SEC31B: variants seen among roughly 807,000 people sequenced by gnomAD.
SEC31B encodes the protein protein transport protein Sec31B.
SEC31B carries 113 observed loss-of-function variants against 135.0 expected under a neutral mutation model. That is an observed-to-expected ratio of 0.84 (90% CI 0.72 to 0.98). SEC31B has a LOEUF of 0.98. Among genes scored for constraint, SEC31B ranks in the 50% least tolerant of loss-of-function variants. The pLI, the probability that SEC31B is intolerant of heterozygous loss-of-function variation, is 0.00. For synonymous variants in SEC31B, 508 were observed against 549.4 expected (o/e 0.92, Z 1.05); for missense variants, 1,296 against 1,421.1 (o/e 0.91, Z 1.42).
chr10:100,502,586 T>C, intron 10 of SEC31B, 102 bp from the exon 11 acceptor site: 1 of 709,824 alleles, frequency 1.4e-6, no homozygotes. Context: ...GACCCTAGGC[T>C]AGGAAATAAA....
intron 10 of SEC31B, among the ~76,000 whole-genome samples, chr10:100,504,877 T>C (rs189075745): frequency 1.0e-3 from 155 of 152,106 alleles, no homozygotes; most frequent in African/African-American, 3.5e-3. Flanking sequence ...AAAGAAGTCA[T>C]ATGTAACTGG....
At chr10:100,507,669 G>C (rs1291027108) in intron 6 of SEC31B, 102 bp from the exon 7 acceptor site, 2 of 1,491,086 alleles carry the variant, frequency 1.3e-6, no homozygotes, top group Admixed American at 1.7e-5. Flanking sequence ...TTTGTGACTG[G>C]GAACACCACA....
chr10:100,488,174 AT>A, intron 24 of SEC31B, 76 bp from the exon 25 acceptor site: 3 of 1,366,268 alleles, frequency 2.2e-6, no homozygotes, highest in Middle Eastern at 1.8e-4. Context: ...ATCACAGCAT[AT>A]TAGGCCGGGC....
intron 9 of SEC31B, 137 bp from the exon 10 acceptor site, chr10:100,505,632 G>A: frequency 6.9e-7 from 1 of 1,442,926 alleles, no homozygotes; most frequent in East Asian, 2.5e-5. Context: ...TATTCCAGGG[G>A]ATGGGGAAGT....
In SEC31B at chr10:100,499,266, G is replaced by A. The variant is rs1200953056; in HGVS notation, c.1486-8C>T. On this transcript the variant is annotated splice_polypyrimidine_tract_variant and splice_region_variant and intron_variant, in intron 12 of 25. Coordinates refer to ENST00000370345, the MANE Select transcript of SEC31B (RefSeq NM_015490.4). ...CTTCAACCATGTGGCCACCTGCAGG[G>A]AGAGACCTCTGAAAACCGCTCTTTC... 1.9e-6 allele frequency: 3 copies of A among 1,606,296 alleles called. No homozygotes were observed. Among genetic ancestry groups the A allele is most frequent in the Admixed American group, 1.7e-5 (1 of 59,182 alleles).
chr10:100,487,360 TA>T lies in SEC31B; in HGVS notation c.*255del. ...CCCAGGTCCTTACAGAGTGTAGTAT[TA>T]GGGAGAGTGAAGAACTGATTCTATG... On this transcript the variant is annotated 3_prime_UTR_variant, in exon 26 of 26. Coordinates refer to ENST00000370345, the MANE Select transcript of SEC31B (RefSeq NM_015490.4). 1 of 504,022 alleles carries T rather than the reference TA, an allele frequency of 2.0e-6. No individual in the cohort carries two copies. Among genetic ancestry groups the T allele is most frequent in the Non-Finnish European group, 3.6e-6 (1 of 278,770 alleles). 31.2% of individuals were successfully genotyped at this position (504,022 alleles called of 1,614,324 possible).
intron 3 of SEC31B, among the ~76,000 whole-genome samples, chr10:100,513,922 C>T (rs992795299): frequency 6.6e-6 from 1 of 151,948 alleles, no homozygotes; most frequent in Non-Finnish European, 1.5e-5. Context: ...CAGTAGCTCA[C>T]GCCTATAATC....
intron 24 of SEC31B, 72 bp from the exon 25 acceptor site, chr10:100,488,170 G>T: frequency 7.2e-7 from 1 of 1,392,544 alleles, no homozygotes; most frequent in Non-Finnish European, 1.0e-6. Context: ...AAGAATCACA[G>T]CATATTAGGC....
At chr10:100,497,532 A>T (rs145747657) in intron 16 of SEC31B, 135 bp downstream of exon 16, 2 of 1,544,002 alleles carry the variant, frequency 1.3e-6, no homozygotes, top group Admixed American at 3.8e-5. Flanking sequence ...CTCCTGGCTG[A>T]GCCAGATTCT....
chr10:100,512,735 GA>G (rs1238299281), intron 3 of SEC31B, among the ~76,000 whole-genome samples: 3 of 152,174 alleles, frequency 2.0e-5, no homozygotes, highest in Non-Finnish European at 4.4e-5. Flanking sequence ...AGAGATATAG[GA>G]AGAGGTTTAA....
chr10:100,489,077 T>G, intron 23 of SEC31B, 103 bp from the exon 24 acceptor site: 1 of 1,502,876 alleles, frequency 6.7e-7, no homozygotes, highest in Non-Finnish European at 8.9e-7. Flanking sequence ...ACTGTTCCCA[T>G]TACAGCAGAG....
chr10:100,505,348 C>T lies in SEC31B; in HGVS notation c.1179+13G>A, dbSNP rs959938339. ...CACAAACACACACACACCTATACATCCACTACACTTACAGCAAATGAAACA... is the reference window on the plus strand; with the variant it reads ...CACAAACACACACACACCTATACATTCACTACACTTACAGCAAATGAAACA... On this transcript the variant is annotated intron_variant, in intron 10 of 25. Transcript: ENST00000370345. 2 of 1,612,792 alleles carry T rather than the reference C, an allele frequency of 1.2e-6. No homozygotes were observed.
intron 5 of SEC31B, chr10:100,508,464 AT>A (rs1452549085): frequency 2.1e-6 from 1 of 468,242 alleles, no homozygotes; most frequent in Non-Finnish European, 4.2e-6. Flanking sequence ...AACTTACCTC[AT>A]GATACTGTAA....
intron 3 of SEC31B, among the ~76,000 whole-genome samples, chr10:100,515,444 A>G (rs546804699): frequency 1.4e-4 from 22 of 152,340 alleles, no homozygotes; most frequent in Admixed American, 5.9e-4. Context: ...GACCTTTAGA[A>G]GAAGGGCAGA....
chr10:100,490,424 T>A, intron 20 of SEC31B, 102 bp from the exon 21 acceptor site: 2 of 1,189,336 alleles, frequency 1.7e-6, no homozygotes, highest in Non-Finnish European at 2.3e-6. Flanking sequence ...AAATAATAAA[T>A]GATTAATACA....
Position 100,506,365 on chromosome 10 carries a change from C to T in SEC31B, c.838G>A (p.Ala280Thr). The stretch of plus-strand genomic sequence containing the variant: ...CGGCACAAGATCTGGCTGTCCTTAG[C>T]ACTAGTGAGCAGCAGCTCAGCATCA... ...QADAELLLTS[A>T]KDSQILCRNL... The change falls in exon 8 of 26, where the codon GCT becomes ACT. Residue 280 changes from alanine to threonine, a missense_variant. By Grantham distance (58) the Ala-to-Thr change is moderately conservative. Transcript: ENST00000370345. 6.2e-7 allele frequency: 1 copy of T among 1,614,170 alleles called. No individual in the cohort carries two copies. The highest frequency in any genetic ancestry group is 8.5e-7 in the Non-Finnish European group (1 of 1,180,026).
At chr10:100,503,170 T>TACCCACAAC (rs1311252699) in intron 10 of SEC31B, among the ~76,000 whole-genome samples, 1 of 152,190 alleles carries the variant, frequency 6.6e-6, no homozygotes, top group East Asian at 1.9e-4. Context: ...TCTGTGCCTT[T>TACCCACAAC]ACCCACAACA....
At chr10:100,509,537 G>T (rs1351620711) in intron 3 of SEC31B, 26 bp from the exon 4 acceptor site, 2 of 1,568,948 alleles carry the variant, frequency 1.3e-6, no homozygotes, top group Non-Finnish European at 8.7e-7. Context: ...ACTGGCATCA[G>T]TACAAACTTA....
At chr10:100,508,379 G>C in intron 5 of SEC31B, 1 of 509,884 alleles carries the variant, frequency 2.0e-6, no homozygotes. Flanking sequence ...AGGGAGGGAG[G>C]AAAACAGATA....
Sources: allele counts gnomAD v4.1 joint callset (sites outside exome capture counted in the v4.1 genomes callset), GRCh38; gene constraint gnomAD v4.1.1; transcripts MANE v1.5; gene names NCBI Gene and HGNC (gene_info 2026-07-23, HGNC 2026-07-21).